Variants in NPAS2 observed in about 807,000 individuals in gnomAD.
The protein encoded by NPAS2 is neuronal PAS domain protein 2.
In NPAS2, 23 loss-of-function variants were observed where a neutral mutation model predicts 107.5. The observed-to-expected ratio is 0.21, with a 90% CI of 0.15 to 0.30. The LOEUF (loss-of-function observed/expected upper bound fraction) is 0.30. Ranked by LOEUF, NPAS2 falls within the 10% of genes least tolerant of loss-of-function variation. The pLI, the probability that NPAS2 is intolerant of heterozygous loss-of-function variation, is 1.00. For synonymous variants in NPAS2, 403 were observed against 417.5 expected, an observed-to-expected ratio of 0.97 and a Z score of 0.42; for missense variants, 756 against 1,043.3, an observed-to-expected ratio of 0.72 and a Z score of 3.79.
chr2:100,992,272 G>T (rs562170466), intron 19 of NPAS2, among the ~76,000 whole-genome samples: 2 of 152,190 alleles, frequency 1.3e-5, no homozygotes, highest in Non-Finnish European at 2.9e-5. Context: ...AAAATTAGCC[G>T]GGTGTGGTGG....
rs556817506 is a variant in NPAS2, at chr2:100,935,619, G to A, written c.274-2134G>A. Among the ~76,000 whole-genome samples, 8 of 152,162 alleles carry A rather than the reference G, an allele frequency of 5.3e-5. No individual in the cohort carries two copies. The South Asian group carries it at 1.7e-3, about 32-fold the overall frequency. On this transcript the variant is annotated intron_variant, in intron 4 of 20. Coordinates refer to ENST00000335681, the MANE Select transcript of NPAS2 (RefSeq NM_002518.4). ...AAATACCTTCAGCTTTTTAACACCC[G>A]CTTGCTTTAGACATTCAGGAGGGAC...
chr2:100,950,323 A>G (rs1472543797), intron 7 of NPAS2, among the ~76,000 whole-genome samples: 1 of 152,218 alleles, frequency 6.6e-6, no homozygotes, highest in African/African-American at 2.4e-5. Flanking sequence ...GGAATGGGGG[A>G]AAAAAGAGGA....
rs1676078439 is a variant in NPAS2 at position 100,964,168 on chromosome 2, T to C, written c.709T>C (p.Phe237Leu). 2 of 1,606,012 alleles carry C rather than the reference T, an allele frequency of 1.2e-6. No individual in the cohort carries two copies. Among genetic ancestry groups the C allele is most frequent in the Non-Finnish European group, 8.5e-7 (1 of 1,172,564 alleles). Residue 237 changes from phenylalanine to leucine, a missense_variant, in exon 8 of 21, where the codon TTC (phenylalanine) becomes CTC (leucine). Physicochemically the swap from Phe to Leu is conservative, Grantham distance 22 (BLOSUM62 0). Around this residue, in one of 4 missense-constraint regions of NPAS2, gnomAD observed 84 missense variants for 175.5 expected, o/e 0.48. Transcript: ENST00000335681. Reference sequence around the variant, plus strand: ...CACCGTTCGTCTGGCAACACCACAATTCTTAAAGGCAAGTACCTGAGAGGC... The same window carrying C: ...CACCGTTCGTCTGGCAACACCACAACTCTTAAAGGCAAGTACCTGAGAGGC... ...IATVRLATPQ[F>L]LKEMCIVDEP...
intron 1 of NPAS2, among the ~76,000 whole-genome samples, chr2:100,849,996 C>G (rs1232733368): frequency 4.3e-5 from 3 of 69,500 alleles, no homozygotes; most frequent in African/African-American, 1.1e-4. Flanking sequence ...ATAGATCTAA[C>G]AGTAACTCTT....
chr2:100,901,529 T>A, intron 1 of NPAS2: 2 of 985,342 alleles, frequency 2.0e-6, no homozygotes, highest in Non-Finnish European at 2.4e-6. Context: ...TGTTCCCTTC[T>A]CTCTTCCCTG....
Position 100,965,561 on chromosome 2 carries a change from G to T in NPAS2, c.801-99G>T. ...TTTTCTCCCCTTGTTCTTGAGAAAT[G>T]AGGCCTCCATGTTGATCATTATGGA... On this transcript the variant is annotated intron_variant, in intron 9 of 20. Transcript: ENST00000335681. The surrounding 1 kb of genome is among the most constrained non-coding windows in gnomAD (Gnocchi z 4.3). The T allele has an allele frequency of 1.5e-6, 1 of 667,482 alleles. No homozygotes were observed. Among genetic ancestry groups the T allele is most frequent in the Non-Finnish European group, 2.6e-6 (1 of 380,352 alleles). The allele number at this position is 667,482 out of a possible 1,614,324, so 41.3% of individuals were successfully genotyped here. A position where few individuals can be genotyped will look rare whatever the true frequency, so the allele number is the denominator to read the frequency against.
intron 1 of NPAS2, among the ~76,000 whole-genome samples, chr2:100,848,740 G>T (rs1677956151): frequency 6.6e-6 from 1 of 152,218 alleles, no homozygotes; most frequent in Non-Finnish European, 1.5e-5. Flanking sequence ...CGAATACATA[G>T]ATCTGTAGCT....
At chr2:100,825,239 T>C (rs545220191) in intron 1 of NPAS2, among the ~76,000 whole-genome samples, 25 of 152,218 alleles carry the variant, frequency 1.6e-4, no homozygotes, top group Non-Finnish European at 3.4e-4. Context: ...TTATGAATGA[T>C]ATTTGTGCCC....
chr2:100,864,498 G>T (rs1327337550), intron 1 of NPAS2, among the ~76,000 whole-genome samples: 1 of 152,142 alleles, frequency 6.6e-6, no homozygotes, highest in East Asian at 1.9e-4. Flanking sequence ...AAAAGTCCAC[G>T]AGAACCTTAC....
At chr2:100,988,584 T>C (rs762367867) in intron 17 of NPAS2, 4 of 389,436 alleles carry the variant, frequency 1.0e-5, no homozygotes, top group Non-Finnish European at 1.9e-5. Flanking sequence ...TGGAGGCAGA[T>C]ATGGCCATCC....
At chr2:100,862,323 A>AT (rs963155661) in intron 1 of NPAS2, among the ~76,000 whole-genome samples, 1 of 152,046 alleles carries the variant, frequency 6.6e-6, no homozygotes, top group Non-Finnish European at 1.5e-5. Flanking sequence ...TTGTTTTGGC[A>AT]TTTTTGGTAA....
At chr2:100,859,030 C>G (rs1338032339) in intron 1 of NPAS2, among the ~76,000 whole-genome samples, 2 of 152,142 alleles carry the variant, frequency 1.3e-5, no homozygotes, top group Non-Finnish European at 1.5e-5. Flanking sequence ...TTTGGGAGGC[C>G]AAGGCAGGTG....
At chr2:100,855,072 T>C (rs1174157642) in intron 1 of NPAS2, among the ~76,000 whole-genome samples, 1 of 152,244 alleles carries the variant, frequency 6.6e-6, no homozygotes, top group Non-Finnish European at 1.5e-5. Flanking sequence ...TACTCACCCA[T>C]ATAGCTTTAC....
At chr2:100,880,734 A>T (rs936094587) in intron 1 of NPAS2, among the ~76,000 whole-genome samples, 25 of 152,140 alleles carry the variant, frequency 1.6e-4, no homozygotes, top group African/African-American at 5.1e-4. Context: ...TACATTTTTA[A>T]ATGGTTAATT....
At chr2:100,937,295 T>G (rs6542999) in intron 4 of NPAS2, among the ~76,000 whole-genome samples, 4,628 of 152,288 alleles carry the variant, frequency 0.03, 223 homozygotes, top group African/African-American at 0.1. Flanking sequence ...ACAGGCACAC[T>G]TTCTGTTTTT....
chr2:100,853,317 C>T (rs184928684), intron 1 of NPAS2, among the ~76,000 whole-genome samples: 1 of 152,318 alleles, frequency 6.6e-6, no homozygotes, highest in East Asian at 1.9e-4. Flanking sequence ...ATGTAAATTT[C>T]AATTTACATT....
intron 1 of NPAS2, among the ~76,000 whole-genome samples, chr2:100,867,668 T>G (rs1679339370): frequency 6.6e-6 from 1 of 152,172 alleles, no homozygotes; most frequent in Non-Finnish European, 1.5e-5. Context: ...CTGGAGAGAT[T>G]ATATGTTTAT....
At chr2:100,948,205 T>A in intron 5 of NPAS2, 30 bp from the exon 6 acceptor site, 1 of 1,609,240 alleles carries the variant, frequency 6.2e-7, no homozygotes, top group Non-Finnish European at 8.5e-7. Flanking sequence ...TCGTTGAGGG[T>A]GTACCTTTGT....
At chr2:100,823,118 G>A (rs6542991) in intron 1 of NPAS2, among the ~76,000 whole-genome samples, 50,121 of 151,958 alleles carry the variant, frequency 0.33, 10,938 homozygotes, top group African/African-American at 0.6. Flanking sequence ...ATTGTTGGTG[G>A]TCACTATCCA....
Sources: allele counts gnomAD v4.1 joint callset (sites outside exome capture counted in the v4.1 genomes callset), GRCh38; gene constraint gnomAD v4.1.1; regional missense constraint gnomAD v4.1.1; non-coding constraint Gnocchi (gnomAD v3.1); transcripts MANE v1.5; gene names NCBI Gene and HGNC (gene_info 2026-07-23, HGNC 2026-07-21).